GOLGA1: variants seen among roughly 807,000 people sequenced by gnomAD.
GOLGA1 encodes the protein golgin subfamily A member 1.
In GOLGA1, 63 loss-of-function variants were observed where a neutral mutation model predicts 119.7. The ratio of observed to expected loss-of-function variants is 0.53; its 90% CI spans 0.43 to 0.65. The LOEUF (loss-of-function observed/expected upper bound fraction) is 0.65, where lower values mean the gene tolerates loss of function less well. GOLGA1 is among the 30% of genes least tolerant of loss of function. GOLGA1 has a pLI of 0.00. For missense variants in GOLGA1, 798 were observed against 912.8 expected (o/e 0.87, Z 1.62); for synonymous variants, 318 against 333.4 (o/e 0.95, Z 0.50).
chr9:124,881,120 A>G lies in GOLGA1; in HGVS notation c.2223+51T>C, dbSNP rs1201737829. On this transcript the variant is annotated intron_variant, in intron 22 of 22. Coordinates refer to ENST00000373555, the MANE Select transcript of GOLGA1 (RefSeq NM_002077.4). The surrounding 1 kb of genome is among the most constrained non-coding windows in gnomAD (Gnocchi z 4.9). ...GGGGTCTTACACTGCTACTGCTGGG[A>G]TAACTGACAACGTATCTTGGAAGCT... is the stretch of plus-strand genomic sequence containing the variant. 2 of 973,168 alleles carry G rather than the reference A, an allele frequency of 2.1e-6. No homozygotes were observed. The highest frequency in any genetic ancestry group is 3.4e-5 in the Admixed American group (2 of 59,214). 60.3% of individuals were successfully genotyped at this position (973,168 alleles called of 1,614,324 possible).
At chr9:124,895,478 G>C (rs561145650) in intron 15 of GOLGA1, among the ~76,000 whole-genome samples, 1 of 120,506 alleles carries the variant, frequency 8.3e-6, no homozygotes, top group African/African-American at 3.3e-5. Flanking sequence ...CCACAACAGA[G>C]ACCCTCCACA....
In GOLGA1 at chr9:124,889,543, G is replaced by C. The variant is rs781497733; in HGVS notation, c.1498-7C>G. 2 of 1,589,974 alleles carry C rather than the reference G, an allele frequency of 1.3e-6. No individual in the cohort carries two copies. The highest frequency in any genetic ancestry group is 1.7e-6 in the Non-Finnish European group (2 of 1,157,972). On this transcript the variant is annotated splice_region_variant and splice_polypyrimidine_tract_variant and intron_variant, in intron 16 of 22. Coordinates refer to ENST00000373555, the MANE Select transcript of GOLGA1 (RefSeq NM_002077.4). ...TGGCTGTCAGGTTAGCTGCCTTGGA[G>C]AGAAAAATCAACAAGAGGGAAGGTT...
chr9:124,906,676 C>T lies in GOLGA1; in HGVS notation c.1065+1701G>A, dbSNP rs185750391. ...CTGAAGCAGGAGAATCGCTTGAACC[C>T]GAGAGGTGGAGGTTGCAGTGAGCCG... is the stretch of plus-strand genomic sequence containing the variant. On this transcript the variant is annotated intron_variant, in intron 12 of 22. Coordinates refer to ENST00000373555, the MANE Select transcript of GOLGA1 (RefSeq NM_002077.4). Among the ~76,000 whole-genome samples, 261 of 151,950 alleles carry T rather than the reference C, an allele frequency of 1.7e-3. 1 individual carries two copies. The highest frequency in any genetic ancestry group is 6.1e-3 in the African/African-American group (251 of 41,444).
intron 3 of GOLGA1, among the ~76,000 whole-genome samples, chr9:124,936,415 G>A (rs1830870456): frequency 6.6e-6 from 1 of 151,994 alleles, no homozygotes; most frequent in African/African-American, 2.4e-5. Context: ...CATTAAATGT[G>A]GCCTTTTCAA....
At chr9:124,907,223 GT>G (rs1225994705) in intron 12 of GOLGA1, among the ~76,000 whole-genome samples, 2 of 152,194 alleles carry the variant, frequency 1.3e-5, no homozygotes, top group Non-Finnish European at 1.5e-5. Context: ...ACGTGATAAA[GT>G]TAGCAAGAGG....
intron 4 of GOLGA1, among the ~76,000 whole-genome samples, chr9:124,930,117 A>G (rs1416748697): frequency 6.6e-6 from 1 of 152,204 alleles, no homozygotes; most frequent in Non-Finnish European, 1.5e-5. Context: ...TACTCATACT[A>G]ATACTGTAGG....
At chr9:124,940,197 C>G (rs1247724377) in intron 1 of GOLGA1, 42 bp from the exon 2 acceptor site, 2 of 151,558 alleles carry the variant, frequency 1.3e-5, no homozygotes, top group African/African-American at 2.4e-5. Context: ...TATTTCTTTT[C>G]AAGTGTATGG....
At chr9:124,942,456 A>G (rs2131555221), upstream of GOLGA1, among the ~76,000 whole-genome samples, 1 of 152,342 alleles carries the variant, frequency 6.6e-6, no homozygotes, top group South Asian at 2.1e-4. Flanking sequence ...TCTGACCTGC[A>G]GGAGCAGGGC....
intron 10 of GOLGA1, among the ~76,000 whole-genome samples, chr9:124,912,661 G>A (rs898025185): frequency 6.6e-6 from 1 of 152,156 alleles, no homozygotes; most frequent in African/African-American, 2.4e-5. Context: ...TCCTGCCTCA[G>A]CCTCCCGAGT....
Position 124,900,513 on chromosome 9 carries a change from T to A in GOLGA1, c.1100A>T (p.Glu367Val), listed in dbSNP as rs201514883. ...RELEQTLQASEEQLQQSKGIV... is the reference protein window; with the variant it reads ...RELEQTLQASVEQLQQSKGIV... ...GCCCTTGCTCTGTTGGAGCTGCTCC[T>A]CAGAGGCCTGCAAGGTCTGCTCCAG... The change falls in exon 13 of 23, where the codon GAG becomes GTG. Residue 367 changes from glutamate to valine, a missense_variant. Physicochemically the swap from Glu to Val is moderately radical, Grantham distance 121. Coordinates refer to ENST00000373555, the MANE Select transcript of GOLGA1 (RefSeq NM_002077.4). 5 of 1,600,994 alleles carry A rather than the reference T, an allele frequency of 3.1e-6. No individual in the cohort carries two copies. In the East Asian group the frequency reaches 1.1e-4, roughly 36 times the overall value.
At chr9:124,890,118 A>G (rs548838386) in intron 16 of GOLGA1, among the ~76,000 whole-genome samples, 1 of 152,348 alleles carries the variant, frequency 6.6e-6, no homozygotes, top group South Asian at 2.1e-4. Context: ...ATTAGAGCCC[A>G]CTAGGCCCGT....
Position 124,931,415 on chromosome 9 carries a change from G to A in GOLGA1, c.136-9C>T, listed in dbSNP as rs749793273. On this transcript the variant is annotated splice_polypyrimidine_tract_variant and intron_variant, in intron 3 of 22. Coordinates refer to ENST00000373555, the MANE Select transcript of GOLGA1 (RefSeq NM_002077.4). Reference sequence around the variant, plus strand: ...CTGCTTCCATCGGAAGCCTGTTGAGGTAGACACAAGGAAGGTCGTATTCAT... The same window carrying A: ...CTGCTTCCATCGGAAGCCTGTTGAGATAGACACAAGGAAGGTCGTATTCAT... 1 of 1,397,516 alleles carries A rather than the reference G, an allele frequency of 7.2e-7. No homozygotes were observed. The highest frequency in any genetic ancestry group is 1.2e-5 in the South Asian group (1 of 86,698). 86.6% of individuals were successfully genotyped at this position (1,397,516 alleles called of 1,614,324 possible). A position where few individuals can be genotyped will look rare whatever the true frequency, so the allele number is the denominator to read the frequency against.
chr9:124,922,373 C>T (rs571959516), intron 8 of GOLGA1, among the ~76,000 whole-genome samples: 6 of 150,790 alleles, frequency 4.0e-5, no homozygotes, highest in East Asian at 3.9e-4. Context: ...GGTAACATGG[C>T]GAAACACCAC....
intron 19 of GOLGA1, among the ~76,000 whole-genome samples, chr9:124,883,866 C>A (rs984811696): frequency 2.6e-5 from 4 of 151,556 alleles, no homozygotes; most frequent in Admixed American, 6.6e-5. Context: ...GGGACTACAG[C>A]TGTGCGCCAC....
At chr9:124,901,697 A>G (rs1830109443) in intron 12 of GOLGA1, among the ~76,000 whole-genome samples, 1 of 152,086 alleles carries the variant, frequency 6.6e-6, no homozygotes. Flanking sequence ...GGCCTCCCAA[A>G]GTGCTGCAAT....
At chr9:124,919,077 C>T (rs1830511038) in intron 10 of GOLGA1, among the ~76,000 whole-genome samples, 1 of 151,796 alleles carries the variant, frequency 6.6e-6, no homozygotes, top group Non-Finnish European at 1.5e-5. Context: ...AGCGAAACCC[C>T]ATCTCTACAG....
chr9:124,879,218 GTTT>G lies in GOLGA1; in HGVS notation c.*1309_*1311del, dbSNP rs1486165968. On this transcript the variant is annotated 3_prime_UTR_variant, in exon 23 of 23. Transcript: ENST00000373555. Reference sequence around the variant, plus strand: ...TTTAGAGGCTCCAGTTATTAATTTAGTTTTTTATTTAACCAGTGAAACTTTCAT... The same window carrying G: ...TTTAGAGGCTCCAGTTATTAATTTAGTTTATTTAACCAGTGAAACTTTCAT... 1.3e-5 allele frequency: 2 copies of G among 152,172 alleles called. No individual in the cohort carries two copies. The highest frequency in any genetic ancestry group is 2.4e-5 in the African/African-American group (1 of 41,446). The allele number at this position is 152,172 out of a possible 1,614,324, so 9.4% of individuals were successfully genotyped here.
In GOLGA1 at chr9:124,920,687, G is replaced by C. The variant is rs559420671; in HGVS notation, c.843+442C>G. Among the ~76,000 whole-genome samples, 49 of 151,902 alleles carry C rather than the reference G, an allele frequency of 3.2e-4. 1 individual carries two copies. The highest frequency in any genetic ancestry group is 6.0e-4 in the Non-Finnish European group (41 of 67,984). ...ACGGTGGCTCACGCCTGTAATCTCA[G>C]CACTTTGGGAGGCCGAGGTTGGTGG... On this transcript the variant is annotated intron_variant, in intron 10 of 22. Coordinates refer to ENST00000373555, the MANE Select transcript of GOLGA1 (RefSeq NM_002077.4).
At chr9:124,912,362 GCTC>G (rs796826120) in intron 10 of GOLGA1, among the ~76,000 whole-genome samples, 4 of 152,186 alleles carry the variant, frequency 2.6e-5, no homozygotes, top group African/African-American at 9.6e-5. Context: ...ATGGAACAAT[GCTC>G]CTGAAAGCTG....
Sources: gnomAD v4.1 joint callset for allele counts (sites outside exome capture counted in the v4.1 genomes callset) on GRCh38, gnomAD v4.1.1 for gene constraint, Gnocchi (gnomAD v3.1) non-coding constraint, MANE v1.5 for transcripts, NCBI Gene and HGNC (gene_info 2026-07-23, HGNC 2026-07-21) for gene names.